Variants in UBXN2B observed in about 807,000 individuals in gnomAD.
UBXN2B encodes UBX domain-containing protein 2B.
In UBXN2B, 19 loss-of-function variants were observed where a neutral mutation model predicts 37.5. That is an observed-to-expected ratio of 0.51 (90% CI 0.35 to 0.74). The LOEUF is 0.74. Among genes scored for constraint, UBXN2B ranks in the 30% least tolerant of loss-of-function variants. The probability of loss-of-function intolerance (pLI) is 0.01; values close to 1 mark genes in which losing one functional copy is unlikely to be tolerated. For synonymous variants in UBXN2B, 145 were observed against 143.8 expected, an observed-to-expected ratio of 1.01 and a Z score of -0.06; for missense variants, 370 against 393.2, an observed-to-expected ratio of 0.94 and a Z score of 0.50.
At chr8:58,418,536 A>C (rs1807844213) in intron 2 of UBXN2B, among the ~76,000 whole-genome samples, 1 of 152,130 alleles carries the variant, frequency 6.6e-6, no homozygotes. Flanking sequence ...CTGTTTCCTC[A>C]TGATTAGATT....
At chr8:58,429,701 A>G (rs1175539997) in intron 2 of UBXN2B, among the ~76,000 whole-genome samples, 3 of 152,028 alleles carry the variant, frequency 2.0e-5, no homozygotes, top group Admixed American at 2.0e-4. Flanking sequence ...ATTTCCCCCC[A>G]TTGTTTTGTT....
chr8:58,440,859 C>T (rs543413631), intron 6 of UBXN2B, among the ~76,000 whole-genome samples: 4 of 152,280 alleles, frequency 2.6e-5, no homozygotes, highest in African/African-American at 9.6e-5. Context: ...GAGACTGGCA[C>T]TGGGGACATA....
In UBXN2B at chr8:58,411,389, G is replaced by A. The variant is rs1028449667; in HGVS notation, c.4G>A (p.Ala2Thr). 16 of 1,269,316 alleles carry A rather than the reference G, an allele frequency of 1.3e-5. No homozygotes were observed. The highest frequency in any genetic ancestry group is 1.6e-5 in the Non-Finnish European group (16 of 1,003,692). The allele number at this position is 1,269,316 out of a possible 1,614,324, so 78.6% of individuals were successfully genotyped here. The change falls in exon 1 of 8, where the codon GCG becomes ACG. Residue 2 changes from alanine (A) to threonine (T), a missense_variant. Ala to Thr is a moderately conservative substitution (Grantham distance 58). Transcript: ENST00000399598. M[A>T]EGGGPEPGEQ... ...GGGCGCCGCTAGCCAGCGGAAGATGGCGGAGGGCGGAGGCCCTGAGCCCGG... is the reference window on the plus strand; with the variant it reads ...GGGCGCCGCTAGCCAGCGGAAGATGACGGAGGGCGGAGGCCCTGAGCCCGG...
At chr8:58,417,555 A>G (rs548742007) in intron 2 of UBXN2B, among the ~76,000 whole-genome samples, 3 of 152,352 alleles carry the variant, frequency 2.0e-5, no homozygotes, top group South Asian at 2.1e-4. Context: ...TGAAGACTTA[A>G]GAGATGAGAA....
chr8:58,421,617 C>A (rs1003584982), intron 2 of UBXN2B, among the ~76,000 whole-genome samples: 1 of 152,212 alleles, frequency 6.6e-6, no homozygotes, highest in Admixed American at 6.5e-5. Flanking sequence ...GGCTCTCTCA[C>A]TTCCTCAGCA....
intron 2 of UBXN2B, chr8:58,426,135 C>T (rs974077379): frequency 6.0e-6 from 7 of 1,159,310 alleles, no homozygotes; most frequent in Middle Eastern, 2.8e-4. Flanking sequence ...TAATGCCGGA[C>T]CAACTCAGCC....
At chr8:58,447,287 T>C in intron 7 of UBXN2B, 102 bp from the exon 8 acceptor site, 4 of 1,100,254 alleles carry the variant, frequency 3.6e-6, no homozygotes, top group Non-Finnish European at 5.0e-6. Context: ...AACACCTTTA[T>C]ATAAAGATTA....
chr8:58,413,115 C>T (rs1010391010), intron 1 of UBXN2B, among the ~76,000 whole-genome samples: 4 of 152,188 alleles, frequency 2.6e-5, no homozygotes, highest in Non-Finnish European at 5.9e-5. Flanking sequence ...TTTGGAGATA[C>T]TCTGGTAGAT....
At chr8:58,440,788 A>G (rs1808519095) in intron 6 of UBXN2B, among the ~76,000 whole-genome samples, 1 of 152,062 alleles carries the variant, frequency 6.6e-6, no homozygotes, top group East Asian at 1.9e-4. Flanking sequence ...AAAAAATTCA[A>G]TATTGCTTCT....
chr8:58,434,677 C>A (rs567621338), intron 5 of UBXN2B, among the ~76,000 whole-genome samples, 173 bp downstream of exon 5: 432 of 152,188 alleles, frequency 2.8e-3, no homozygotes, highest in African/African-American at 9.5e-3. Flanking sequence ...ATACTGCTAT[C>A]TGTATGTAAG....
rs530120353 is a variant in UBXN2B at position 58,450,955 on chromosome 8, C to T, written c.*3404C>T. 1 of 152,682 alleles carries T rather than the reference C, an allele frequency of 6.5e-6. No individual in the cohort carries two copies. The highest frequency in any genetic ancestry group is 1.9e-4 in the East Asian group (1 of 5,186). The allele number at this position is 152,682 out of a possible 1,614,324, so 9.5% of individuals were successfully genotyped here. ...AATAAGCCCTACTCCTTTTCACTTA[C>T]TGAAAACAACTTGGATAATGTGTAA... is the stretch of plus-strand genomic sequence containing the variant. On this transcript the variant is annotated 3_prime_UTR_variant, in exon 8 of 8. Transcript: ENST00000399598.
At chr8:58,425,071 C>A in intron 2 of UBXN2B, 4 of 783,878 alleles carry the variant, frequency 5.1e-6, no homozygotes, top group East Asian at 2.4e-5. Context: ...GTCCAGCACA[C>A]CCCTGGGGTC....
At chr8:58,415,737 C>T (rs1807760700) in intron 1 of UBXN2B, among the ~76,000 whole-genome samples, 1 of 151,972 alleles carries the variant, frequency 6.6e-6, no homozygotes, top group Non-Finnish European at 1.5e-5. Context: ...CAGGAAGTGC[C>T]TAAGTTACGA....
chr8:58,425,669 G>T, intron 2 of UBXN2B: 1 of 1,168,536 alleles, frequency 8.6e-7, no homozygotes, highest in Non-Finnish European at 1.3e-6. Context: ...CAGCTAATTT[G>T]CTTAGTTCTC....
At chr8:58,414,811 T>G (rs1253399660) in intron 1 of UBXN2B, among the ~76,000 whole-genome samples, 1 of 152,158 alleles carries the variant, frequency 6.6e-6, no homozygotes, top group Non-Finnish European at 1.5e-5. Flanking sequence ...TTTAATATCA[T>G]TTTCCTCATA....
chr8:58,446,778 C>CTTTTTTTTTT (rs1585622637), intron 7 of UBXN2B, among the ~76,000 whole-genome samples: 3 of 14,974 alleles, frequency 2.0e-4, no homozygotes, highest in East Asian at 2.1e-3. Context: ...GTACAACCTG[C>CTTTTTTTTTT]ATTTTTTTTT....
intron 7 of UBXN2B, 107 bp downstream of exon 7, chr8:58,446,175 G>T: frequency 8.3e-7 from 1 of 1,199,664 alleles, no homozygotes. Flanking sequence ...ATATTCTTTA[G>T]GTTTACTTTT....
intron 6 of UBXN2B, among the ~76,000 whole-genome samples, chr8:58,441,387 A>ATG (rs1242916902): frequency 6.7e-5 from 10 of 149,074 alleles, no homozygotes; most frequent in African/African-American, 2.5e-4. Flanking sequence ...ATATATATGT[A>ATG]TGTATGTGTA....
chr8:58,426,049 A>G, intron 2 of UBXN2B: 2 of 1,385,664 alleles, frequency 1.4e-6, no homozygotes, highest in South Asian at 2.3e-5. Flanking sequence ...CAGAGGCAGG[A>G]TCTGCACAGT....
Sources: gnomAD v4.1 joint callset for allele counts (sites outside exome capture counted in the v4.1 genomes callset) on GRCh38, gnomAD v4.1.1 for gene constraint, MANE v1.5 for transcripts, NCBI Gene and HGNC (gene_info 2026-07-23, HGNC 2026-07-21) for gene names.